Variants in ROBO2 observed in about 807,000 individuals in gnomAD.
ROBO2 encodes the protein roundabout homolog 2.
In ROBO2, 53 loss-of-function variants were observed where a neutral mutation model predicts 160.8. The ratio of observed to expected loss-of-function variants is 0.33; its 90% CI spans 0.26 to 0.41. ROBO2 has a LOEUF of 0.41. Ranked by LOEUF, ROBO2 falls within the 10% of genes least tolerant of loss-of-function variation. The probability of loss-of-function intolerance (pLI) is 1.00; values close to 1 mark genes in which losing one functional copy is unlikely to be tolerated. For synonymous variants in ROBO2, 664 were observed against 611.7 expected (o/e 1.09, Z -1.26); for missense variants, 1,577 against 1,722.4 (o/e 0.92, Z 1.49).
At chr3:75,936,677 A>G (rs928226662) in intron 1 of ROBO2, among the ~76,000 whole-genome samples, 1 of 152,124 alleles carries the variant, frequency 6.6e-6, no homozygotes, top group African/African-American at 2.4e-5. Flanking sequence ...ACACTTATCC[A>G]TATTAGTACA....
chr3:76,092,120 C>T (rs1287554416), intron 2 of ROBO2, among the ~76,000 whole-genome samples: 6 of 152,014 alleles, frequency 3.9e-5, no homozygotes, highest in Non-Finnish European at 7.4e-5. Context: ...ACAAACGTAC[C>T]TGATGTGGGA....
At position 77,513,130 on chromosome 3, in the gene ROBO2, A is replaced by G. The variant is rs74385249; in HGVS notation, c.807-9645A>G. ...ATTCAAACAAGGTGATGAGATACAC[A>G]GGCTTGAACTGAGCATGATAAAATT... On this transcript the variant is annotated intron_variant, in intron 5 of 25. Coordinates refer to ENST00000461745, the Ensembl canonical transcript of ROBO2. 6.4e-3 allele frequency among the ~76,000 whole-genome samples: 980 copies of G among 152,024 alleles called. 9 individuals are homozygous for G. The highest frequency in any genetic ancestry group is 0.023 in the African/African-American group (939 of 41,534).
chr3:76,648,303 T>C (rs2091081437), intron 2 of ROBO2, among the ~76,000 whole-genome samples: 1 of 152,078 alleles, frequency 6.6e-6, no homozygotes, highest in Non-Finnish European at 1.5e-5. Flanking sequence ...TATAAGCATA[T>C]AAAAACTTTA....
At chr3:76,119,975 T>TTCCTTC (rs1271871463) in intron 2 of ROBO2, among the ~76,000 whole-genome samples, 196 of 141,668 alleles carry the variant, frequency 1.4e-3, no homozygotes, top group Middle Eastern at 3.6e-3. Context: ...CCTTCCTTCC[T>TTCCTTC]CTCTCTTTCT....
intron 2 of ROBO2, among the ~76,000 whole-genome samples, chr3:76,769,260 C>G (rs558829480): frequency 5.1e-4 from 78 of 151,472 alleles, no homozygotes; most frequent in African/African-American, 1.8e-3. Context: ...GTATTTAATA[C>G]ACATTCAGAT....
At chr3:76,145,442 G>A (rs1260325695) in intron 2 of ROBO2, among the ~76,000 whole-genome samples, 2 of 151,940 alleles carry the variant, frequency 1.3e-5, no homozygotes, top group African/African-American at 4.8e-5. Context: ...GAGGAGACAG[G>A]TCTGATTATA....
intron 15 of ROBO2, among the ~76,000 whole-genome samples, chr3:77,578,592 A>G (rs1314050183): frequency 6.6e-6 from 1 of 152,136 alleles, no homozygotes; most frequent in Non-Finnish European, 1.5e-5. Context: ...AACTTGCTAA[A>G]GCAAATGAAT....
At chr3:77,127,128 G>T (rs1017189532) in intron 2 of ROBO2, among the ~76,000 whole-genome samples, 4 of 152,056 alleles carry the variant, frequency 2.6e-5, no homozygotes, top group Non-Finnish European at 5.9e-5. Context: ...AGGTAGAAAT[G>T]TTGACCTACA....
At chr3:76,687,630 A>G (rs192807600) in intron 2 of ROBO2, among the ~76,000 whole-genome samples, 3 of 152,224 alleles carry the variant, frequency 2.0e-5, no homozygotes, top group African/African-American at 4.8e-5. Context: ...CAATATGTTC[A>G]TAATAAAACT....
chr3:77,436,885 A>C (rs1036764693), intron 2 of ROBO2, among the ~76,000 whole-genome samples: 6 of 151,976 alleles, frequency 3.9e-5, no homozygotes, highest in African/African-American at 1.4e-4. Flanking sequence ...TTTAGCAGCT[A>C]TGCAATAAAC....
intron 2 of ROBO2, among the ~76,000 whole-genome samples, chr3:77,340,888 A>G (rs572981153): frequency 1.3e-5 from 2 of 152,164 alleles, no homozygotes; most frequent in African/African-American, 4.8e-5. Context: ...GCTGAAAAAA[A>G]GTTTAGCTTT....
At chr3:77,564,914 A>G in intron 11 of ROBO2, 40 bp from the exon 13 acceptor site, 1 of 1,599,046 alleles carries the variant, frequency 6.3e-7, no homozygotes, top group East Asian at 2.3e-5. Context: ...CCAATCTTCA[A>G]ATGACTGTTC....
At chr3:76,197,014 A>G (rs1026007131) in intron 2 of ROBO2, among the ~76,000 whole-genome samples, 11 of 152,212 alleles carry the variant, frequency 7.2e-5, no homozygotes, top group African/African-American at 1.4e-4. Flanking sequence ...TGCAAATTGA[A>G]TTGTGACCTC....
chr3:76,768,155 A>C (rs530684686), intron 2 of ROBO2, among the ~76,000 whole-genome samples: 1 of 151,478 alleles, frequency 6.6e-6, no homozygotes, highest in Non-Finnish European at 1.5e-5. Flanking sequence ...GAGAATGTTT[A>C]TGTGTTTTTT....
intron 2 of ROBO2, among the ~76,000 whole-genome samples, chr3:76,059,621 G>T (rs2107873756): frequency 6.6e-6 from 1 of 152,248 alleles, no homozygotes; most frequent in East Asian, 1.9e-4. Flanking sequence ...TCTGATGGTA[G>T]TTTCTTTTGC....
At chr3:77,458,486 G>A (rs1293937709) in intron 2 of ROBO2, among the ~76,000 whole-genome samples, 5 of 152,086 alleles carry the variant, frequency 3.3e-5, no homozygotes, top group South Asian at 2.1e-4. Flanking sequence ...GAGGGTTTCC[G>A]CATACCTATT....
chr3:76,245,099 A>G (rs1259573649), intron 2 of ROBO2, among the ~76,000 whole-genome samples: 3 of 152,240 alleles, frequency 2.0e-5, no homozygotes, highest in African/African-American at 7.2e-5. Context: ...CCTCTTTAAA[A>G]TGGGAAAACA....
At chr3:76,941,686 T>G (rs777503430) in intron 2 of ROBO2, among the ~76,000 whole-genome samples, 24 of 152,324 alleles carry the variant, frequency 1.6e-4, no homozygotes, top group Non-Finnish European at 3.1e-4. Flanking sequence ...ACCCAGTAAC[T>G]TTCCCTTTCA....
At chr3:77,631,788 T>C (rs1476294720) in intron 23 of ROBO2, 1 of 152,088 alleles carries the variant, frequency 6.6e-6, no homozygotes, top group East Asian at 1.9e-4. Flanking sequence ...AAGTGTTACT[T>C]TTTAATATAA....
Sources: allele counts gnomAD v4.1 joint callset (sites outside exome capture counted in the v4.1 genomes callset), GRCh38; gene constraint gnomAD v4.1.1; transcripts MANE v1.5; gene names NCBI Gene and HGNC (gene_info 2026-07-23, HGNC 2026-07-21).